Variants in SERPINA9 observed in about 807,000 individuals in gnomAD.
SERPINA9 encodes serpin family A member 9.
A neutral mutation model predicts 24.5 loss-of-function variants in SERPINA9; 32 were observed. That is an observed-to-expected ratio of 1.30 (90% confidence interval 0.98 to 1.75). The LOEUF is 1.75. Among genes scored for constraint, SERPINA9 ranks in the 40% most tolerant of loss-of-function variants. The probability of loss-of-function intolerance (pLI) is 0.00; values close to 1 mark genes in which losing one functional copy is unlikely to be tolerated. For synonymous variants in SERPINA9, 233 were observed against 197.7 expected (o/e 1.18, Z -1.50); for missense variants, 594 against 497.1 (o/e 1.19, Z -1.85).
intron 3 of SERPINA9, among the ~76,000 whole-genome samples, chr14:94,466,426 C>A (rs1269329653): frequency 2.0e-5 from 3 of 152,230 alleles, no homozygotes; most frequent in East Asian, 3.8e-4. Context: ...AGTTACACTG[C>A]AGCCTTCCTT....
Position 94,464,738 on chromosome 14 carries a change from A to T in SERPINA9, c.1019T>A (p.Ile340Asn). ...AACCTGCAGGGAGTCTCTCTTTGCA[A>T]TTCCAGAAAAATCAGCATTTTTGTC... Reference protein sequence around the residue: ...VFDKNADFSGIAKRDSLQVSK... With the variant: ...VFDKNADFSGNAKRDSLQVSK... The change falls in exon 4 of 5, where the codon ATT becomes AAT. Residue 340 changes from isoleucine (I) to asparagine (N), a missense_variant. Physicochemically the swap from Ile to Asn is moderately radical, Grantham distance 149 (BLOSUM62 -3). Coordinates refer to ENST00000674397, the MANE Select transcript of SERPINA9 (RefSeq NM_175739.4). 9 of 1,613,894 alleles carry T rather than the reference A, an allele frequency of 5.6e-6. No individual in the cohort carries two copies. Among genetic ancestry groups the T allele is most frequent in the Non-Finnish European group, 7.6e-6 (9 of 1,179,834 alleles).
intron 3 of SERPINA9, among the ~76,000 whole-genome samples, chr14:94,466,726 T>C (rs1386558174): frequency 2.0e-5 from 3 of 152,248 alleles, no homozygotes; most frequent in African/African-American, 4.8e-5. Flanking sequence ...TTTGGTAATA[T>C]TGTTATCCTC....
chr14:94,469,949 G>A (rs890758215), intron 1 of SERPINA9, 92 bp from the exon 2 acceptor site: 2 of 1,082,086 alleles, frequency 1.8e-6, no homozygotes, highest in East Asian at 4.9e-5. Context: ...ATCAGCAGCA[G>A]AATGAGGACA....
In SERPINA9 at chr14:94,467,387, C is replaced by T. The variant is rs756996224; in HGVS notation, c.629-5G>A. The T allele has an allele frequency of 8.8e-6, 14 of 1,592,200 alleles. No homozygotes were observed. The South Asian group carries it at 1.5e-4, about 17-fold the overall frequency. ...GAAAGGGCTTCTCCCACTTGGCTAG[C>T]ACAAAGAGAGAAAAGAAGTCTTTAT... On this transcript the variant is annotated splice_region_variant and splice_polypyrimidine_tract_variant and intron_variant, in intron 2 of 4. Transcript: ENST00000674397.
intron 1 of SERPINA9, among the ~76,000 whole-genome samples, chr14:94,471,161 C>T (rs934207966): frequency 4.0e-5 from 6 of 150,742 alleles, no homozygotes; most frequent in Non-Finnish European, 8.8e-5. Flanking sequence ...TGCCCTTCAT[C>T]AGACTTTGCT....
chr14:94,465,744 G>T (rs1159033351), intron 3 of SERPINA9, among the ~76,000 whole-genome samples: 1 of 152,138 alleles, frequency 6.6e-6, no homozygotes, highest in Non-Finnish European at 1.5e-5. Context: ...GCCCAGGCTG[G>T]TCTTGAACTC....
intron 4 of SERPINA9, 63 bp from the exon 5 acceptor site, chr14:94,463,359 C>G: frequency 1.4e-6 from 2 of 1,438,804 alleles, no homozygotes; most frequent in Non-Finnish European, 2.0e-6. Flanking sequence ...ACTGAGTAAA[C>G]TAAACTGAGT....
chr14:94,474,802 C>T (rs1160688074), intron 1 of SERPINA9, among the ~76,000 whole-genome samples: 1 of 152,096 alleles, frequency 6.6e-6, no homozygotes, highest in Non-Finnish European at 1.5e-5. Context: ...GCCTGCATTC[C>T]ACCTTCCATT....
intron 4 of SERPINA9, among the ~76,000 whole-genome samples, chr14:94,463,910 G>T (rs1389132599): frequency 6.6e-6 from 1 of 152,150 alleles, no homozygotes; most frequent in Non-Finnish European, 1.5e-5. Context: ...TTCCAGTGGG[G>T]CCTCTCAACA....
At position 94,463,063 on chromosome 14, in the gene SERPINA9, T is replaced by C. The variant is rs2139791226; in HGVS notation, c.*30A>G. 1 of 1,531,688 alleles carries C rather than the reference T, an allele frequency of 6.5e-7. No homozygotes were observed. The highest frequency in any genetic ancestry group is 9.1e-7 in the Non-Finnish European group (1 of 1,104,634). The allele number at this position is 1,531,688 out of a possible 1,614,324, so 94.9% of individuals were successfully genotyped here. A position where few individuals can be genotyped will look rare whatever the true frequency, so the allele number is the denominator to read the frequency against. On this transcript the variant is annotated 3_prime_UTR_variant, in exon 5 of 5. Transcript: ENST00000674397. Reference sequence around the variant, plus strand: ...TTTGTTATTTCTTGTGCATTAGCAATGTGCCATCAGTTAACAGGCCATTTC... The same window carrying C: ...TTTGTTATTTCTTGTGCATTAGCAACGTGCCATCAGTTAACAGGCCATTTC...
intron 1 of SERPINA9, 28 bp downstream of exon 1, chr14:94,476,108 G>C (rs368721380): frequency 9.3e-6 from 15 of 1,613,910 alleles, no homozygotes; most frequent in Non-Finnish European, 1.3e-5. Context: ...CCACATTCCC[G>C]ATCTCTCTGC....
At chr14:94,474,933 C>T (rs2139825388) in intron 1 of SERPINA9, among the ~76,000 whole-genome samples, 1 of 152,216 alleles carries the variant, frequency 6.6e-6, no homozygotes, top group Middle Eastern at 3.4e-3. Context: ...CCCCATTGAG[C>T]TCAGAAAAAA....
At chr14:94,475,955 G>A in intron 1 of SERPINA9, 181 bp downstream of exon 1, 3 of 793,960 alleles carry the variant, frequency 3.8e-6, no homozygotes, top group Non-Finnish European at 4.1e-6. Context: ...ACTCCAGCCT[G>A]GCTTCTGTAT....
At chr14:94,475,611 A>G (rs1899573019) in intron 1 of SERPINA9, among the ~76,000 whole-genome samples, 1 of 152,096 alleles carries the variant, frequency 6.6e-6, no homozygotes, top group African/African-American at 2.4e-5. Flanking sequence ...CTCCACCAAT[A>G]AAGCAGAGGA....
chr14:94,469,653 G>T lies in SERPINA9; in HGVS notation c.188C>A (p.Thr63Asn), dbSNP rs1047330150. Residue 63 changes from threonine (T) to asparagine (N), a missense_variant, in exon 2 of 5, where the codon ACC (threonine) becomes AAC (asparagine). By Grantham distance (65) the Thr-to-Asn change is moderately conservative. Transcript: ENST00000674397. ...GGAGAAGAAGATGTTCTGACTCGGG[G>T]TCTCCAAAACCAGCCTGCGGTATAG... ...FRLYRRLVLE[T>N]PSQNIFFSPV... 3 of 1,613,984 alleles carry T rather than the reference G, an allele frequency of 1.9e-6. No homozygotes were observed. The highest frequency in any genetic ancestry group is 2.7e-5 in the African/African-American group (2 of 74,884).
intron 2 of SERPINA9, among the ~76,000 whole-genome samples, chr14:94,468,145 G>A (rs1297883267): frequency 6.6e-6 from 1 of 152,052 alleles, no homozygotes; most frequent in Non-Finnish European, 1.5e-5. Context: ...AGGGTGGATA[G>A]ATACATGAAT....
At position 94,467,127 on chromosome 14, in the gene SERPINA9, C is replaced by G. The variant is rs752814721; in HGVS notation, c.884G>C (p.Ser295Thr). Residue 295 changes from serine to threonine, a missense_variant, in exon 3 of 5, where the codon AGC becomes ACC. Coordinates refer to ENST00000674397, the MANE Select transcript of SERPINA9 (RefSeq NM_175739.4). ...ALSARTLRKW[S>T]HSLQKRWIEV... ...TGCCCACCTTTTCTGGAGTGAGTGG[C>G]TCCACTTTCTCAGTGTTCTGGCTGA... 11 of 1,613,848 alleles carry G rather than the reference C, an allele frequency of 6.8e-6. No homozygotes were observed. The highest frequency in any genetic ancestry group is 3.3e-5 in the Admixed American group (2 of 60,002).
intron 1 of SERPINA9, among the ~76,000 whole-genome samples, chr14:94,474,698 G>C (rs909619226): frequency 6.6e-6 from 1 of 152,032 alleles, no homozygotes; most frequent in Non-Finnish European, 1.5e-5. Context: ...TTATGTGAGC[G>C]TTCGGCCAGG....
intron 4 of SERPINA9, 178 bp downstream of exon 4, chr14:94,464,529 A>C: frequency 2.0e-6 from 1 of 510,592 alleles, no homozygotes; most frequent in Non-Finnish European, 3.4e-6. Flanking sequence ...GGGATAACAG[A>C]TGCTGCATGC....
Sources: allele counts gnomAD v4.1 joint callset (sites outside exome capture counted in the v4.1 genomes callset), GRCh38; gene constraint gnomAD v4.1.1; transcripts MANE v1.5; gene names NCBI Gene and HGNC (gene_info 2026-07-23, HGNC 2026-07-21).